The following NRXN3 variants were observed in gnomAD, a reference collection of about 807,000 sequenced individuals.
NRXN3 encodes the protein neurexin III.
In NRXN3, 32 loss-of-function variants were observed where a neutral mutation model predicts 137.6. The ratio of observed to expected loss-of-function variants is 0.23; its 90% CI spans 0.18 to 0.31. NRXN3 has a LOEUF of 0.31. Ranked by LOEUF, NRXN3 falls within the 10% of genes least tolerant of loss-of-function variation. NRXN3 has a pLI of 1.00. For synonymous variants in NRXN3, 798 were observed against 784.5 expected, an observed-to-expected ratio of 1.02 and a Z score of -0.29; for missense variants, 1,574 against 2,062.5, an observed-to-expected ratio of 0.76 and a Z score of 4.59.
At chr14:79,684,896 G>T (rs944286765) in intron 17 of NRXN3, among the ~76,000 whole-genome samples, 1 of 151,998 alleles carries the variant, frequency 6.6e-6, no homozygotes, top group Admixed American at 6.6e-5. Context: ...TGACACAGAG[G>T]GTGGACACGT....
rs528794987 is a variant in NRXN3, at chr14:78,312,029, C to T, written c.757+14169C>T. The stretch of plus-strand genomic sequence containing the variant: ...TCGGGACTTAGAACAGACTTTCTGA[C>T]TTCAGATGTTGTTTTCTTTCTCCTC... On this transcript the variant is annotated intron_variant, in intron 4 of 20. Transcript: ENST00000335750. 1.4e-4 allele frequency among the ~76,000 whole-genome samples: 22 copies of T among 152,212 alleles called. No homozygotes were observed. In the South Asian group the frequency reaches 4.6e-3, roughly 32 times the overall value.
At chr14:78,209,822 A>C (rs907895248) in intron 1 of NRXN3, among the ~76,000 whole-genome samples, 6 of 152,096 alleles carry the variant, frequency 3.9e-5, no homozygotes, top group African/African-American at 1.4e-4. Flanking sequence ...CTTTGTTTTA[A>C]ATTGCAGTCC....
intron 4 of NRXN3, among the ~76,000 whole-genome samples, chr14:78,391,444 T>C (rs541131134): frequency 5.8e-4 from 89 of 152,260 alleles, no homozygotes; most frequent in Admixed American, 3.1e-3. Flanking sequence ...AAAAATTGGA[T>C]AACCATATCT....
intron 16 of NRXN3, among the ~76,000 whole-genome samples, chr14:79,556,915 A>C (rs1332620040): frequency 1.3e-5 from 2 of 152,166 alleles, no homozygotes; most frequent in African/African-American, 4.8e-5. Context: ...AAGGCAATTA[A>C]AGACCACTTC....
At position 78,645,296 on chromosome 14, in the gene NRXN3, G is replaced by A; in HGVS notation, c.934G>A (p.Asp312Asn). The A allele has an allele frequency of 1.9e-6, 3 of 1,598,912 alleles. No homozygotes were observed. Among genetic ancestry groups the A allele is most frequent in the Non-Finnish European group, 2.5e-6 (3 of 1,179,794 alleles). Residue 312 changes from aspartate to asparagine, a missense_variant, in exon 5 of 21, where the codon GAT (aspartate) becomes AAT (asparagine). Around this residue, in one of 5 missense-constraint regions of NRXN3, gnomAD observed 400 missense variants for 527.3 expected, o/e 0.76. Transcript: ENST00000335750. The part of the protein sequence containing the change: ...SADYVNLALK[D>N]GAVSLVINLG... ...TGACTATGTCAACCTGGCTCTGAAG[G>A]ATGGTGCGGTCTCCTTGGTCATTAA...
At chr14:79,729,320 A>G (rs1368846299) in intron 19 of NRXN3, among the ~76,000 whole-genome samples, 4 of 152,258 alleles carry the variant, frequency 2.6e-5, no homozygotes, top group South Asian at 2.1e-4. Flanking sequence ...TTTGGATTCA[A>G]GTTTTTCCTA....
At chr14:78,298,884 T>C (rs1295071849) in intron 4 of NRXN3, among the ~76,000 whole-genome samples, 1 of 152,158 alleles carries the variant, frequency 6.6e-6, no homozygotes, top group Non-Finnish European at 1.5e-5. Flanking sequence ...GGGTGGGACT[T>C]CCCCTCCCCT....
chr14:79,587,156 C>T (rs1003847811), intron 16 of NRXN3, among the ~76,000 whole-genome samples: 5 of 152,204 alleles, frequency 3.3e-5, no homozygotes, highest in Non-Finnish European at 5.9e-5. Context: ...GGCAGCATTT[C>T]GTTGGCAGTA....
At chr14:79,589,925 A>C (rs1246067983) in intron 16 of NRXN3, among the ~76,000 whole-genome samples, 1 of 152,218 alleles carries the variant, frequency 6.6e-6, no homozygotes, top group Non-Finnish European at 1.5e-5. Context: ...GATTTGTGAC[A>C]CAAAACAGAA....
At chr14:78,421,779 C>G (rs1269091071) in intron 4 of NRXN3, among the ~76,000 whole-genome samples, 1 of 152,150 alleles carries the variant, frequency 6.6e-6, no homozygotes, top group Non-Finnish European at 1.5e-5. Context: ...CCCTCTCAGC[C>G]TACCAATGTG....
intron 15 of NRXN3, among the ~76,000 whole-genome samples, chr14:79,381,406 G>T (rs1328051196): frequency 1.3e-5 from 2 of 152,026 alleles, no homozygotes; most frequent in Non-Finnish European, 2.9e-5. Flanking sequence ...ATCTCTGAAA[G>T]TTCTTGAATT....
chr14:78,653,262 C>A (rs1049657272), intron 6 of NRXN3, among the ~76,000 whole-genome samples: 1 of 152,166 alleles, frequency 6.6e-6, no homozygotes, highest in Non-Finnish European at 1.5e-5. Flanking sequence ...CTGGGATTTA[C>A]TCCTATTTGG....
At chr14:79,340,461 C>A (rs532674532) in intron 15 of NRXN3, among the ~76,000 whole-genome samples, 2 of 151,934 alleles carry the variant, frequency 1.3e-5, no homozygotes, top group East Asian at 1.9e-4. Context: ...TTTTTATTTA[C>A]GTATGTATGT....
At chr14:79,023,125 A>G (rs376736865) in intron 15 of NRXN3, among the ~76,000 whole-genome samples, 31 of 74,002 alleles carry the variant, frequency 4.2e-4, no homozygotes, top group African/African-American at 1.5e-3. Flanking sequence ...TTTTTTTTTT[A>G]ACTTCTTTTT....
intron 15 of NRXN3, among the ~76,000 whole-genome samples, chr14:79,268,598 GA>G (rs2078808130): frequency 6.6e-6 from 1 of 152,170 alleles, no homozygotes. Flanking sequence ...AGAGAAAGCA[GA>G]AAGAAAACGT....
At position 79,095,132 on chromosome 14, in the gene NRXN3, G is replaced by A. The variant is rs1057342828; in HGVS notation, c.3262+106991G>A. Among the ~76,000 whole-genome samples, 26 of 152,086 alleles carry A rather than the reference G, an allele frequency of 1.7e-4. 1 individual carries two copies. The highest frequency in any genetic ancestry group is 2.1e-4 in the South Asian group (1 of 4,828). ...TCTGACTGGCATGCATTATGCTAAT[G>A]TGGCTGTCCTCTGTTGTATGCTTCT... On this transcript the variant is annotated intron_variant, in intron 15 of 20. Transcript: ENST00000335750.
At chr14:78,464,317 A>G (rs1044678293) in intron 4 of NRXN3, among the ~76,000 whole-genome samples, 2 of 152,206 alleles carry the variant, frequency 1.3e-5, no homozygotes, top group African/African-American at 2.4e-5. Context: ...CGGCCTTCCA[A>G]AGTGCTGGGA....
chr14:78,344,212 A>G (rs1392234678), intron 4 of NRXN3, among the ~76,000 whole-genome samples: 2 of 152,198 alleles, frequency 1.3e-5, no homozygotes, highest in Non-Finnish European at 2.9e-5. Flanking sequence ...ATGCACACAC[A>G]TGTGGGTTTG....
intron 15 of NRXN3, among the ~76,000 whole-genome samples, chr14:79,334,233 T>C (rs1333057483): frequency 6.6e-6 from 1 of 152,088 alleles, no homozygotes; most frequent in African/African-American, 2.4e-5. Flanking sequence ...AATGGTGCTA[T>C]GAAAAAAATA....
Sources: gnomAD v4.1 joint callset for allele counts (sites outside exome capture counted in the v4.1 genomes callset) on GRCh38, gnomAD v4.1.1 for gene constraint, gnomAD v4.1.1 regional missense constraint, MANE v1.5 for transcripts, NCBI Gene and HGNC (gene_info 2026-07-23, HGNC 2026-07-21) for gene names.